The following ANKRD30BL variants were observed in gnomAD, a reference collection of about 807,000 sequenced individuals.
ANKRD30BL encodes the protein ankyrin repeat domain 30B like.
In ANKRD30BL, 20 loss-of-function variants were observed where a neutral mutation model predicts 18.4. The observed-to-expected ratio is 1.09, with a 90% CI of 0.77 to 1.58. The LOEUF (loss-of-function observed/expected upper bound fraction) is 1.58. Among genes scored for constraint, ANKRD30BL ranks in the 40% most tolerant of loss-of-function variants. The probability of loss-of-function intolerance (pLI) is 0.00; values close to 1 mark genes in which losing one functional copy is unlikely to be tolerated. For synonymous variants in ANKRD30BL, 72 were observed against 100.9 expected (o/e 0.71, Z 1.72); for missense variants, 224 against 268.6 (o/e 0.83, Z 1.16).
At chr2:132,222,343 G>T (rs571466775) in intron 1 of ANKRD30BL, among the ~76,000 whole-genome samples, 2 of 152,162 alleles carry the variant, frequency 1.3e-5, no homozygotes, top group African/African-American at 4.8e-5. Context: ...TGTGCCCAGC[G>T]GCTCACTGGG....
chr2:132,169,542 G>T (rs1403919517), intron 1 of ANKRD30BL, among the ~76,000 whole-genome samples: 8 of 151,368 alleles, frequency 5.3e-5, no homozygotes, highest in Non-Finnish European at 1.2e-4. Flanking sequence ...ATCTATTCAG[G>T]AGGCTGAGGC....
intron 1 of ANKRD30BL, among the ~76,000 whole-genome samples, chr2:132,226,282 C>G (rs548373958): frequency 6.6e-6 from 1 of 150,996 alleles, no homozygotes; most frequent in Non-Finnish European, 1.5e-5. Flanking sequence ...AGGTTTGACA[C>G]ACTCTTTTTG....
chr2:132,228,750 A>G (rs10192782), intron 1 of ANKRD30BL, among the ~76,000 whole-genome samples: 9 of 135,916 alleles, frequency 6.6e-5, no homozygotes. Flanking sequence ...TTTGTGGCCT[A>G]TGGTAGAAAA....
chr2:132,208,317 C>G lies in ANKRD30BL; in HGVS notation n.441+49212G>C, dbSNP rs187447998. ...AACAGTTTTCCTTTCCCTATCCCTT[C>G]CTTCCATTTGAAAGATGTTTGCTCC... On this transcript the variant is annotated intron_variant and non_coding_transcript_variant, in intron 1 of 4. Coordinates refer to the ANKRD30BL transcript ENST00000470729. 1.4e-4 allele frequency among the ~76,000 whole-genome samples: 22 copies of G among 152,254 alleles called. No homozygotes were observed. In the East Asian group the frequency reaches 4.0e-3, roughly 28 times the overall value.
At chr2:132,178,520 A>G (rs1688402154) in intron 1 of ANKRD30BL, among the ~76,000 whole-genome samples, 1 of 152,234 alleles carries the variant, frequency 6.6e-6, no homozygotes, top group African/African-American at 2.4e-5. Context: ...TGATGTGAAC[A>G]TGGAAGAAAA....
intron 1 of ANKRD30BL, among the ~76,000 whole-genome samples, chr2:132,181,656 G>A: frequency 6.6e-6 from 1 of 152,080 alleles, no homozygotes; most frequent in Non-Finnish European, 1.5e-5. Context: ...CCACATCTAA[G>A]GACAACCCTT....
chr2:132,159,609 C>A (rs368710217), intron 1 of ANKRD30BL, among the ~76,000 whole-genome samples: 4 of 151,984 alleles, frequency 2.6e-5, no homozygotes, highest in Admixed American at 2.0e-4. Flanking sequence ...TTATAATTAG[C>A]GGGTTTTTTG....
intron 1 of ANKRD30BL, among the ~76,000 whole-genome samples, chr2:132,228,562 T>G (rs1173567955): frequency 1.3e-5 from 2 of 151,650 alleles, no homozygotes; most frequent in Non-Finnish European, 2.9e-5. Flanking sequence ...AGTGGACATT[T>G]GGAGCGCTTT....
intron 1 of ANKRD30BL, among the ~76,000 whole-genome samples, chr2:132,242,822 G>A (rs1680374620): frequency 6.6e-6 from 1 of 151,608 alleles, no homozygotes; most frequent in Non-Finnish European, 1.5e-5. Flanking sequence ...CACTCTTTTT[G>A]TAGAATCTGC....
intron 1 of ANKRD30BL, among the ~76,000 whole-genome samples, chr2:132,239,222 T>G (rs779706663): frequency 6.6e-6 from 1 of 152,032 alleles, no homozygotes; most frequent in African/African-American, 2.4e-5. Context: ...GATACAGCAA[T>G]TTTGAAACAC....
intron 1 of ANKRD30BL, among the ~76,000 whole-genome samples, chr2:132,254,066 C>CCACCGACA (rs1680747954): frequency 6.7e-6 from 1 of 150,342 alleles, no homozygotes; most frequent in African/African-American, 2.5e-5. Context: ...ACCCCCGCGC[C>CCACCGACA]CACCGACACA....
At chr2:132,203,897 G>T (rs1362134432) in intron 1 of ANKRD30BL, among the ~76,000 whole-genome samples, 1 of 152,072 alleles carries the variant, frequency 6.6e-6, no homozygotes, top group African/African-American at 2.4e-5. Context: ...GATACTTTCA[G>T]ATGGCTTGTA....
chr2:132,222,202 G>C (rs1177031584), intron 1 of ANKRD30BL, among the ~76,000 whole-genome samples: 1 of 148,292 alleles, frequency 6.7e-6, no homozygotes, highest in Non-Finnish European at 1.5e-5. Flanking sequence ...GCCCCGTCCG[G>C]GAGGGTGGTG....
At chr2:132,252,529 G>A (rs1035611009) in intron 1 of ANKRD30BL, among the ~76,000 whole-genome samples, 23 of 151,844 alleles carry the variant, frequency 1.5e-4, no homozygotes, top group Admixed American at 5.9e-4. Flanking sequence ...GTGACGTGCC[G>A]GGCGGGTGGG....
At chr2:132,196,535 C>G (rs1230770812) in intron 1 of ANKRD30BL, among the ~76,000 whole-genome samples, 3 of 152,082 alleles carry the variant, frequency 2.0e-5, no homozygotes, top group Non-Finnish European at 4.4e-5. Context: ...CATCTGTAAT[C>G]CCAGCACTTT....
intron 1 of ANKRD30BL, among the ~76,000 whole-genome samples, chr2:132,222,597 C>T (rs1317210904): frequency 2.0e-5 from 3 of 151,912 alleles, no homozygotes; most frequent in African/African-American, 7.3e-5. Context: ...GGATTAAGGG[C>T]GGTCCAAGAT....
At chr2:132,189,588 A>C (rs1028539315) in intron 1 of ANKRD30BL, among the ~76,000 whole-genome samples, 1 of 151,302 alleles carries the variant, frequency 6.6e-6, no homozygotes, top group Admixed American at 6.6e-5. Context: ...AAGTTTGCCT[A>C]TTCAGAAAGC....
At chr2:132,238,163 A>G (rs1400841904) in intron 1 of ANKRD30BL, among the ~76,000 whole-genome samples, 1 of 152,090 alleles carries the variant, frequency 6.6e-6, no homozygotes, top group Admixed American at 6.6e-5. Context: ...GAATTCTCAG[A>G]AACTTCTTTG....
At chr2:132,257,237 C>T (rs1279198502) in intron 1 of ANKRD30BL, among the ~76,000 whole-genome samples, 1 of 152,242 alleles carries the variant, frequency 6.6e-6, no homozygotes, top group East Asian at 1.9e-4. Context: ...TGGGACGCTT[C>T]CCAGGGCCAG....
Sources: gnomAD v4.1 joint callset for allele counts (sites outside exome capture counted in the v4.1 genomes callset) on GRCh38, gnomAD v4.1.1 for gene constraint, MANE v1.5 for transcripts, NCBI Gene and HGNC (gene_info 2026-07-23, HGNC 2026-07-21) for gene names.